The following ATXN7L1 variants were observed in gnomAD, a reference collection of about 807,000 sequenced individuals.
ATXN7L1 encodes the protein ataxin 7 like 1.
ATXN7L1 carries 15 observed loss-of-function variants against 70.8 expected under a neutral mutation model. The observed-to-expected ratio is 0.21, with a 90% confidence interval of 0.14 to 0.33. The LOEUF is 0.33. Among genes scored for constraint, ATXN7L1 ranks in the 10% least tolerant of loss-of-function variants. The probability of loss-of-function intolerance (pLI) is 1.00; values close to 1 mark genes in which losing one functional copy is unlikely to be tolerated. For synonymous variants in ATXN7L1, 440 were observed against 445.1 expected, an observed-to-expected ratio of 0.99 and a Z score of 0.14; for missense variants, 975 against 1,097.1, an observed-to-expected ratio of 0.89 and a Z score of 1.57.
chr7:105,620,167 G>T, intron 9 of ATXN7L1, 33 bp downstream of exon 9: 1 of 1,548,574 alleles, frequency 6.5e-7, no homozygotes, highest in South Asian at 1.2e-5. Flanking sequence ...GGGGCAGCTT[G>T]GATCTTATAT....
chr7:105,800,712 T>C (rs994212664), intron 2 of ATXN7L1, among the ~76,000 whole-genome samples: 5 of 152,308 alleles, frequency 3.3e-5, no homozygotes, highest in South Asian at 2.1e-4. Flanking sequence ...CTGCCTCCAG[T>C]TGGCTGTGCA....
intron 2 of ATXN7L1, among the ~76,000 whole-genome samples, chr7:105,860,128 AAT>A (rs1470485018): frequency 1.6e-4 from 11 of 70,814 alleles, no homozygotes; most frequent in African/African-American, 2.8e-4. Context: ...TTTATATGTA[AAT>A]ATATATATAT....
intron 4 of ATXN7L1, among the ~76,000 whole-genome samples, chr7:105,662,069 TCC>T (rs1562967599): frequency 0.028 from 2,598 of 93,644 alleles, 66 homozygotes; most frequent in South Asian, 0.051. Flanking sequence ...CTTCCTTCCT[TCC>T]TTCCTTCCTT....
intron 2 of ATXN7L1, among the ~76,000 whole-genome samples, chr7:105,828,646 G>A (rs1811190610): frequency 6.6e-6 from 1 of 152,174 alleles, no homozygotes; most frequent in African/African-American, 2.4e-5. Context: ...GCAATATCAT[G>A]TTTTTTCCAT....
chr7:105,608,195 T>C (rs1392707853), intron 11 of ATXN7L1, among the ~76,000 whole-genome samples: 1 of 152,196 alleles, frequency 6.6e-6, no homozygotes, highest in African/African-American at 2.4e-5. Flanking sequence ...GAATAATTGA[T>C]GCCTTCATTT....
intron 2 of ATXN7L1, among the ~76,000 whole-genome samples, chr7:105,823,943 A>G (rs1810499539): frequency 6.6e-6 from 1 of 152,000 alleles, no homozygotes; most frequent in Non-Finnish European, 1.5e-5. Context: ...TGAGAGTCTG[A>G]AGGTTTGTTT....
chr7:105,874,556 A>G (rs1818743516), intron 2 of ATXN7L1, among the ~76,000 whole-genome samples: 1 of 152,270 alleles, frequency 6.6e-6, no homozygotes, highest in African/African-American at 2.4e-5. Context: ...TAAGATATTT[A>G]GAAGCAAACA....
intron 2 of ATXN7L1, among the ~76,000 whole-genome samples, chr7:105,789,450 GT>G (rs1804807115): frequency 6.6e-6 from 1 of 152,240 alleles, no homozygotes; most frequent in East Asian, 1.9e-4. Context: ...GACACACGGG[GT>G]CCCCTGGGAG....
At chr7:105,622,233 G>A (rs919604214) in intron 8 of ATXN7L1, among the ~76,000 whole-genome samples, 7 of 152,202 alleles carry the variant, frequency 4.6e-5, no homozygotes, top group African/African-American at 1.4e-4. Flanking sequence ...ACACAGCTGC[G>A]CCACATCCCG....
chr7:105,733,629 TCCACCCATCCATC>T (rs1796932340), intron 3 of ATXN7L1, among the ~76,000 whole-genome samples: 1 of 76,556 alleles, frequency 1.3e-5, no homozygotes, highest in Non-Finnish European at 2.7e-5. Flanking sequence ...CATCCATCCA[TCCACCCATCCATC>T]CATCCATCCA....
At chr7:105,799,369 A>C (rs977356970) in intron 2 of ATXN7L1, among the ~76,000 whole-genome samples, 2 of 152,178 alleles carry the variant, frequency 1.3e-5, no homozygotes, top group African/African-American at 4.8e-5. Context: ...TAGGGGGGTT[A>C]TATCAGTGTT....
At chr7:105,688,111 AC>A (rs1790203009) in intron 3 of ATXN7L1, among the ~76,000 whole-genome samples, 2 of 152,092 alleles carry the variant, frequency 1.3e-5, no homozygotes, top group South Asian at 4.2e-4. Context: ...CGGCTAGACC[AC>A]CAGGTGGCCC....
chr7:105,873,655 T>A (rs1039961897), intron 2 of ATXN7L1, among the ~76,000 whole-genome samples: 1 of 152,214 alleles, frequency 6.6e-6, no homozygotes, highest in African/African-American at 2.4e-5. Context: ...TCAGCCCATA[T>A]ATGGCTATTT....
intron 2 of ATXN7L1, among the ~76,000 whole-genome samples, chr7:105,828,256 C>T (rs992744438): frequency 6.6e-5 from 10 of 152,062 alleles, no homozygotes; most frequent in Non-Finnish European, 8.8e-5. Context: ...ACATTTTTAC[C>T]GCACAAGTAG....
intron 2 of ATXN7L1, among the ~76,000 whole-genome samples, chr7:105,828,877 C>T (rs1811216510): frequency 2.6e-5 from 4 of 152,128 alleles, no homozygotes; most frequent in South Asian, 2.1e-4. Context: ...TGGACTCCAC[C>T]GGCAAGGGTA....
At chr7:105,785,220 C>G (rs1243668267) in intron 3 of ATXN7L1, among the ~76,000 whole-genome samples, 1 of 152,220 alleles carries the variant, frequency 6.6e-6, no homozygotes, top group African/African-American at 2.4e-5. Flanking sequence ...AATCCCAGCA[C>G]TTTGGGAGGC....
At chr7:105,661,060 C>T (rs1212750358) in intron 4 of ATXN7L1, among the ~76,000 whole-genome samples, 2 of 152,140 alleles carry the variant, frequency 1.3e-5, no homozygotes, top group Non-Finnish European at 2.9e-5. Flanking sequence ...CTGCAGTGTA[C>T]AGTTGTATAG....
At chr7:105,824,590 A>C (rs188740312) in intron 2 of ATXN7L1, among the ~76,000 whole-genome samples, 1 of 152,302 alleles carries the variant, frequency 6.6e-6, no homozygotes, top group East Asian at 1.9e-4. Context: ...CAAAAAAGAA[A>C]ACAAAAGCAA....
intron 4 of ATXN7L1, among the ~76,000 whole-genome samples, chr7:105,660,596 T>TG (rs1801448737): frequency 6.9e-6 from 1 of 145,176 alleles, no homozygotes; most frequent in Non-Finnish European, 1.5e-5. Context: ...TTTTTTTTTT[T>TG]TTTTGAGACA....
Sources: allele counts gnomAD v4.1 joint callset (sites outside exome capture counted in the v4.1 genomes callset), GRCh38; gene constraint gnomAD v4.1.1; transcripts MANE v1.5; gene names NCBI Gene and HGNC (gene_info 2026-07-23, HGNC 2026-07-21).